The following CTNNA3 variants were observed in gnomAD, a reference collection of about 807,000 sequenced individuals.
The protein encoded by CTNNA3 is catenin alpha-3.
Under a neutral mutation model 95.7 loss-of-function variants are expected in CTNNA3, and 76 were observed. The ratio of observed to expected loss-of-function variants is 0.79; its 90% confidence interval spans 0.66 to 0.96. CTNNA3 has a LOEUF of 0.96. CTNNA3 is among the 40% of genes least tolerant of loss of function. The pLI is 0.00. For missense variants in CTNNA3, 1,191 were observed against 1,089.8 expected (o/e 1.09, Z -1.31); for synonymous variants, 431 against 374.4 (o/e 1.15, Z -1.74).
Position 66,731,008 on chromosome 10 carries a change from T to C in CTNNA3, c.1281+35256A>G, listed in dbSNP as rs1055154671. 3.3e-5 allele frequency among the ~76,000 whole-genome samples: 5 copies of C among 152,220 alleles called. 1 individual carries two copies. The highest frequency in any genetic ancestry group is 9.6e-5 in the African/African-American group (4 of 41,460). Reference sequence around the variant, plus strand: ...ATAAAATTTAAGTATTTTCCAATTATGTGACAACATTTCTTTTGGATAATT... The same window carrying C: ...ATAAAATTTAAGTATTTTCCAATTACGTGACAACATTTCTTTTGGATAATT... On this transcript the variant is annotated intron_variant, in intron 9 of 17. Coordinates refer to ENST00000433211, the MANE Select transcript of CTNNA3 (RefSeq NM_013266.4).
At chr10:66,669,281 C>T (rs143891282) in intron 9 of CTNNA3, among the ~76,000 whole-genome samples, 55 of 152,124 alleles carry the variant, frequency 3.6e-4, no homozygotes, top group Admixed American at 7.2e-4. Context: ...TGGTGGCTCA[C>T]GTTTGTAATC....
intron 12 of CTNNA3, among the ~76,000 whole-genome samples, chr10:66,356,398 T>C (rs1020137147): frequency 6.6e-6 from 1 of 151,944 alleles, no homozygotes; most frequent in African/African-American, 2.4e-5. Flanking sequence ...TGGCAACATA[T>C]AGGTGCAGCA....
chr10:67,020,140 C>T lies in CTNNA3; in HGVS notation c.1047+160177G>A, dbSNP rs550150380. 1.2e-4 allele frequency among the ~76,000 whole-genome samples: 18 copies of T among 152,190 alleles called. No individual in the cohort carries two copies. In the South Asian group the frequency reaches 2.3e-3, roughly 19 times the overall value. On this transcript the variant is annotated intron_variant, in intron 7 of 17. Coordinates refer to ENST00000433211, the MANE Select transcript of CTNNA3 (RefSeq NM_013266.4). ...CATGTTGTCAAAATCAATGAATGGA[C>T]AGAATTATAGTATTTTTTATAATCA...
intron 13 of CTNNA3, among the ~76,000 whole-genome samples, chr10:66,124,649 T>C (rs1427281813): frequency 6.6e-6 from 1 of 152,180 alleles, no homozygotes; most frequent in Non-Finnish European, 1.5e-5. Context: ...TTAATGGACT[T>C]ACAATTCCAC....
At chr10:66,727,247 T>G in intron 9 of CTNNA3, among the ~76,000 whole-genome samples, 1 of 151,936 alleles carries the variant, frequency 6.6e-6, no homozygotes, top group East Asian at 1.9e-4. Flanking sequence ...AATCTGAAGA[T>G]CTTGTGATAC....
At chr10:65,942,688 A>T (rs975120609) in intron 17 of CTNNA3, among the ~76,000 whole-genome samples, 3 of 152,232 alleles carry the variant, frequency 2.0e-5, no homozygotes, top group Non-Finnish European at 2.9e-5. Flanking sequence ...AACTGAAAAA[A>T]TATTTAGCAT....
chr10:66,615,534 AT>A (rs1256212424), intron 10 of CTNNA3, among the ~76,000 whole-genome samples: 5 of 151,954 alleles, frequency 3.3e-5, no homozygotes, highest in Non-Finnish European at 7.4e-5. Flanking sequence ...AAGTAAAAAA[AT>A]ATTTTTTATT....
At chr10:66,124,810 A>C (rs1368677786) in intron 13 of CTNNA3, among the ~76,000 whole-genome samples, 1 of 152,154 alleles carries the variant, frequency 6.6e-6, no homozygotes, top group East Asian at 1.9e-4. Flanking sequence ...CACTATCACA[A>C]GAACAGCACA....
At chr10:67,326,220 T>C (rs1452686448) in intron 5 of CTNNA3, among the ~76,000 whole-genome samples, 1 of 152,206 alleles carries the variant, frequency 6.6e-6, no homozygotes, top group East Asian at 1.9e-4. Context: ...ATTTAAGCCA[T>C]TTACACTCAA....
chr10:67,010,989 C>G (rs1852290449), intron 7 of CTNNA3, among the ~76,000 whole-genome samples: 1 of 152,030 alleles, frequency 6.6e-6, no homozygotes, highest in Non-Finnish European at 1.5e-5. Context: ...CAATATAAAT[C>G]TATAAAATCT....
rs1841456187 is a variant in CTNNA3, at chr10:67,760,415, C to A, written c.-2+3019G>T. On this transcript the variant is annotated intron_variant, in intron 1 of 17. Coordinates refer to the CTNNA3 transcript ENST00000684154. ...CACTAAGCTAATATTACAAGTTATACCCCTGTCTGCCAATACACTCATGTG... is the reference window on the plus strand; with the variant it reads ...CACTAAGCTAATATTACAAGTTATAACCCTGTCTGCCAATACACTCATGTG... Among the ~76,000 whole-genome samples the A allele has an allele frequency of 3.3e-5, 5 of 152,148 alleles. No individual in the cohort carries two copies. The South Asian group carries it at 1.0e-3, about 32-fold the overall frequency.
At chr10:67,379,854 T>C (rs1161158349) in intron 5 of CTNNA3, among the ~76,000 whole-genome samples, 2 of 151,652 alleles carry the variant, frequency 1.3e-5, no homozygotes, top group Admixed American at 6.6e-5. Context: ...ACCCCGTCTC[T>C]ACTAAAAATA....
chr10:67,206,771 C>T (rs1341399991), intron 6 of CTNNA3, among the ~76,000 whole-genome samples: 1 of 151,150 alleles, frequency 6.6e-6, no homozygotes, highest in Non-Finnish European at 1.5e-5. Context: ...CTCTAGAATT[C>T]AGTCTCTACT....
intron 3 of CTNNA3, among the ~76,000 whole-genome samples, chr10:67,600,102 C>G (rs1046388540): frequency 6.6e-6 from 1 of 151,942 alleles, no homozygotes. Flanking sequence ...AAGAAAAAAA[C>G]AGTTTATTCA....
chr10:67,235,195 C>T lies in CTNNA3; in HGVS notation c.580-15325G>A, dbSNP rs1181820153. On this transcript the variant is annotated intron_variant, in intron 5 of 17. Coordinates refer to ENST00000433211, the MANE Select transcript of CTNNA3 (RefSeq NM_013266.4). ...GTTCAAATGGAACCAAAAAAGAGCC[C>T]GCATCGCCAAGGCAATCCTAAGCCA... 1.6e-4 allele frequency among the ~76,000 whole-genome samples: 25 copies of T among 151,980 alleles called. 1 individual carries two copies. The highest frequency in any genetic ancestry group is 1.3e-3 in the Admixed American group (20 of 15,270).
chr10:67,519,666 G>A (rs1448926812), intron 5 of CTNNA3, among the ~76,000 whole-genome samples: 4 of 152,084 alleles, frequency 2.6e-5, no homozygotes, highest in Non-Finnish European at 4.4e-5. Flanking sequence ...GGTGACAGAC[G>A]AGGCCCTGTC....
At chr10:67,371,157 C>T (rs143449288) in intron 5 of CTNNA3, among the ~76,000 whole-genome samples, 5 of 151,872 alleles carry the variant, frequency 3.3e-5, no homozygotes, top group Admixed American at 6.5e-5. Flanking sequence ...TGAGCCACCG[C>T]GCCCGGCCAA....
intron 10 of CTNNA3, among the ~76,000 whole-genome samples, chr10:66,533,874 C>T (rs1841554731): frequency 6.6e-6 from 1 of 152,028 alleles, no homozygotes; most frequent in Non-Finnish European, 1.5e-5. Flanking sequence ...AGTTCAAGAC[C>T]AGCCTGGGCA....
chr10:66,131,974 T>C (rs1037770375), intron 13 of CTNNA3, among the ~76,000 whole-genome samples: 19 of 152,130 alleles, frequency 1.2e-4, no homozygotes, highest in Admixed American at 9.8e-4. Context: ...GCAATACCAT[T>C]CAGGACGTGG....
Sources: gnomAD v4.1 joint callset for allele counts (sites outside exome capture counted in the v4.1 genomes callset) on GRCh38, gnomAD v4.1.1 for gene constraint, MANE v1.5 for transcripts, NCBI Gene and HGNC (gene_info 2026-07-23, HGNC 2026-07-21) for gene names.